The following LMO7 variants were observed in gnomAD, a reference collection of about 807,000 sequenced individuals.
LMO7 encodes LIM domain 7.
In LMO7, 120 loss-of-function variants were observed where a neutral mutation model predicts 206.5. That is an observed-to-expected ratio of 0.58 (90% confidence interval 0.50 to 0.68). The LOEUF (loss-of-function observed/expected upper bound fraction) is 0.68. LMO7 is among the 30% of genes least tolerant of loss of function. The probability of loss-of-function intolerance (pLI) is 0.00; values close to 1 mark genes in which losing one functional copy is unlikely to be tolerated. For missense variants in LMO7, 1,959 were observed against 1,957.9 expected (o/e 1.00, Z -0.01); for synonymous variants, 706 against 681.5 (o/e 1.04, Z -0.56).
At chr13:75,717,222 G>A (rs1268564567) in intron 2 of LMO7, among the ~76,000 whole-genome samples, 1 of 151,912 alleles carries the variant, frequency 6.6e-6, no homozygotes, top group Non-Finnish European at 1.5e-5. Flanking sequence ...AATTAGCCGG[G>A]TGTGGTGGCG....
chr13:75,662,852 C>G (rs1167599970), intron 1 of LMO7, among the ~76,000 whole-genome samples: 1 of 152,126 alleles, frequency 6.6e-6, no homozygotes, highest in Non-Finnish European at 1.5e-5. Flanking sequence ...ATGTAACTGG[C>G]CTGGGATTAC....
At chr13:75,835,070 T>A (rs558356107) in intron 17 of LMO7, 163 bp from the exon 18 acceptor site, 98 of 778,938 alleles carry the variant, frequency 1.3e-4, no homozygotes, top group Middle Eastern at 5.0e-4. Context: ...AGATTTTTTT[T>A]TATATATATG....
chr13:75,759,380 C>A (rs2047957471), intron 3 of LMO7, among the ~76,000 whole-genome samples: 2 of 152,168 alleles, frequency 1.3e-5, no homozygotes. Flanking sequence ...TAATTTGTAT[C>A]ATTTGATAAT....
intron 25 of LMO7, 43 bp downstream of exon 25, chr13:75,842,959 T>C (rs745565361): frequency 1.7e-6 from 2 of 1,205,482 alleles, no homozygotes; most frequent in Non-Finnish European, 2.5e-6. Flanking sequence ...TGATAATGGC[T>C]TCAGACAATA....
intron 2 of LMO7, among the ~76,000 whole-genome samples, chr13:75,719,227 G>T (rs564163388): frequency 6.7e-6 from 1 of 148,390 alleles, no homozygotes; most frequent in Non-Finnish European, 1.5e-5. Context: ...TGATCTGTCC[G>T]CCTTGGCCTC....
chr13:75,788,233 T>C (rs2052728547), intron 4 of LMO7, among the ~76,000 whole-genome samples: 1 of 151,946 alleles, frequency 6.6e-6, no homozygotes, highest in East Asian at 1.9e-4. Context: ...TTGTTGCATA[T>C]ATAAAAATGA....
At chr13:75,769,235 G>A (rs2049312153) in intron 4 of LMO7, among the ~76,000 whole-genome samples, 1 of 152,008 alleles carries the variant, frequency 6.6e-6, no homozygotes, top group Non-Finnish European at 1.5e-5. Context: ...TGTTTTAGGG[G>A]TAATTGCCCT....
chr13:75,622,652 ACT>A (rs1320561000), intron 1 of LMO7, among the ~76,000 whole-genome samples: 3 of 152,300 alleles, frequency 2.0e-5, no homozygotes, highest in Admixed American at 2.0e-4. Flanking sequence ...ATTTACGATC[ACT>A]CTCCTAACCT....
chr13:75,852,703 T>C (rs930670760), intron 27 of LMO7, among the ~76,000 whole-genome samples: 5 of 152,226 alleles, frequency 3.3e-5, no homozygotes, highest in African/African-American at 1.2e-4. Flanking sequence ...ATGACCAGTC[T>C]GTTGTTGACT....
chr13:75,636,658 ATGGAAGGGC>A lies in LMO7; in HGVS notation c.6_14del (p.GlyLeuGlu3_?5). The stretch of plus-strand genomic sequence containing the variant: ...TCTCTCTCCCTCCCTTGTCCTAGCC[ATGGAAGGGC>A]TGGAGGAGGCAGAGGCCAACTGCTC... On this transcript the variant is annotated start_lost and inframe_deletion, in exon 1 of 31. Transcript: ENST00000377534. The A allele has an allele frequency of 6.2e-7, 1 of 1,603,274 alleles. No homozygotes were observed. The highest frequency in any genetic ancestry group is 8.5e-7 in the Non-Finnish European group (1 of 1,175,698).
chr13:75,763,216 C>T (rs1054482411), intron 4 of LMO7, among the ~76,000 whole-genome samples: 4 of 152,134 alleles, frequency 2.6e-5, no homozygotes, highest in Admixed American at 2.6e-4. Flanking sequence ...GAGTGTGCTA[C>T]AGGCATCTAA....
chr13:75,841,648 A>T lies in LMO7; in HGVS notation c.3696A>T (p.Ser1232=), dbSNP rs1483276514. ...CCTAGGAACTGATGGTCCTAAGCTC[A>T]AACAGCATGTCTCTGACCACACGGG... ...YLDEELMVLS[S]NSMSLTTREP... The change falls in exon 24 of 31, where the codon TCA becomes TCT. Residue 1232 remains serine, a synonymous_variant. Transcript: ENST00000377534. 1 of 1,612,130 alleles carries T rather than the reference A, an allele frequency of 6.2e-7. No homozygotes were observed. Among genetic ancestry groups the T allele is most frequent in the African/African-American group, 1.3e-5 (1 of 74,788 alleles).
chr13:75,700,999 G>T (rs1165366024), intron 1 of LMO7, among the ~76,000 whole-genome samples: 2 of 152,094 alleles, frequency 1.3e-5, no homozygotes, highest in Non-Finnish European at 2.9e-5. Flanking sequence ...TTTACACCAT[G>T]TTCTATTTGT....
At chr13:75,828,167 G>T (rs146226405) in intron 15 of LMO7, among the ~76,000 whole-genome samples, 1 of 152,274 alleles carries the variant, frequency 6.6e-6, no homozygotes, top group African/African-American at 2.4e-5. Flanking sequence ...TTTAACATTT[G>T]CTTCCATTGG....
chr13:75,681,706 GTATATATATATGTATATA>G (rs1555293374), intron 1 of LMO7, among the ~76,000 whole-genome samples: 14 of 93,328 alleles, frequency 1.5e-4, no homozygotes, highest in Admixed American at 8.6e-4. Context: ...GTATGTATGT[GTATATATATATGTATATA>G]TATATATATA....
intron 3 of LMO7, among the ~76,000 whole-genome samples, chr13:75,753,540 C>G (rs1281170297): frequency 6.6e-6 from 1 of 152,052 alleles, no homozygotes; most frequent in Non-Finnish European, 1.5e-5. Context: ...ATTGTAGTTC[C>G]CATAATCCCC....
At chr13:75,678,011 A>G (rs1466423869) in intron 1 of LMO7, among the ~76,000 whole-genome samples, 1 of 152,038 alleles carries the variant, frequency 6.6e-6, no homozygotes, top group Admixed American at 6.6e-5. Flanking sequence ...CATGGTGTAT[A>G]TGTGCCACAT....
chr13:75,805,634 T>C lies in LMO7; in HGVS notation c.1070T>C (p.Val357Ala), dbSNP rs1484819066. 1 of 1,614,072 alleles carries C rather than the reference T, an allele frequency of 6.2e-7. No homozygotes were observed. Among genetic ancestry groups the C allele is most frequent in the South Asian group, 1.1e-5 (1 of 91,082 alleles). The part of the protein sequence containing the change: ...DDLYVRKLSP[V>A]MPNPGNAFDQ... ...CTTTATGTGCGCAAGCTCAGTCCAG[T>C]CATGCCAAACCCAGGGAATGCTTTT... The change falls in exon 9 of 31, where the codon GTC becomes GCC. Residue 357 changes from valine (V) to alanine (A), a missense_variant. Val to Ala is a moderately conservative substitution (Grantham distance 64). Transcript: ENST00000377534.
chr13:75,623,323 A>G (rs756520003), intron 2 of LMO7: 1 of 1,385,942 alleles, frequency 7.2e-7, no homozygotes, highest in Non-Finnish European at 1.0e-6. Flanking sequence ...TCATTAAGGT[A>G]ATATTTTTCT....
Sources: gnomAD v4.1 joint callset for allele counts (sites outside exome capture counted in the v4.1 genomes callset) on GRCh38, gnomAD v4.1.1 for gene constraint, MANE v1.5 for transcripts, NCBI Gene and HGNC (gene_info 2026-07-23, HGNC 2026-07-21) for gene names.